ZFPM2: variants seen among roughly 807,000 people sequenced by gnomAD.
ZFPM2 encodes the protein zinc finger protein ZFPM2.
ZFPM2 carries 20 observed loss-of-function variants against 98.6 expected under a neutral mutation model. That is an observed-to-expected ratio of 0.20 (90% CI 0.14 to 0.29). The LOEUF (loss-of-function observed/expected upper bound fraction) is 0.29, where lower values mean the gene tolerates loss of function less well. Ranked by LOEUF, ZFPM2 falls within the 10% of genes least tolerant of loss-of-function variation. The pLI, the probability that ZFPM2 is intolerant of heterozygous loss-of-function variation, is 1.00. For missense variants in ZFPM2, 1,310 were observed against 1,388.6 expected, an observed-to-expected ratio of 0.94 and a Z score of 0.90; for synonymous variants, 518 against 502.7, an observed-to-expected ratio of 1.03 and a Z score of -0.41.
chr8:105,479,329 C>A (rs1454375646), intron 3 of ZFPM2, among the ~76,000 whole-genome samples: 2 of 152,098 alleles, frequency 1.3e-5, no homozygotes, highest in Non-Finnish European at 2.9e-5. Flanking sequence ...TCTATAAAAC[C>A]TGTCATTTTA....
At chr8:105,464,113 G>A (rs1028097175) in intron 3 of ZFPM2, among the ~76,000 whole-genome samples, 1 of 151,874 alleles carries the variant, frequency 6.6e-6, no homozygotes, top group African/African-American at 2.4e-5. Flanking sequence ...AGACATTCTT[G>A]CAGAATTGTT....
At chr8:105,596,841 A>G (rs564206916) in intron 4 of ZFPM2, among the ~76,000 whole-genome samples, 1 of 150,162 alleles carries the variant, frequency 6.7e-6, no homozygotes, top group East Asian at 2.0e-4. Flanking sequence ...TAAAACTTCA[A>G]TTAAGCAAGG....
chr8:105,802,522 T>G lies in ZFPM2; in HGVS notation c.2440T>G (p.Cys814Gly). The change falls in exon 8 of 8, where the codon TGT becomes GGT. Residue 814 changes from cysteine (C) to glycine (G), a missense_variant. Cys to Gly is a radical substitution (Grantham distance 159). Transcript: ENST00000407775. ...TINKCVPVSK[C>G]DTTHSSVSCL... ...CAACAAGTGTGTTCCAGTTTCCAAA[T>G]GTGATACTACTCATTCCAGTGTTTC... is the stretch of plus-strand genomic sequence containing the variant. 1 of 1,612,102 alleles carries G rather than the reference T, an allele frequency of 6.2e-7. No homozygotes were observed. Among genetic ancestry groups the G allele is most frequent in the South Asian group, 1.1e-5 (1 of 90,720 alleles).
intron 4 of ZFPM2, among the ~76,000 whole-genome samples, chr8:105,615,266 T>A (rs1308693353): frequency 2.0e-5 from 3 of 152,162 alleles, no homozygotes; most frequent in Admixed American, 6.6e-5. Flanking sequence ...CTCTCAAGTT[T>A]ATTGCCTTAT....
rs191060031 is a variant in ZFPM2, at chr8:105,459,602, T to C, written c.301+15221T>C. Among the ~76,000 whole-genome samples, 477 of 152,184 alleles carry C rather than the reference T, an allele frequency of 3.1e-3. 4 individuals are homozygous for C. The highest frequency in any genetic ancestry group is 5.6e-3 in the Non-Finnish European group (383 of 67,996). On this transcript the variant is annotated intron_variant, in intron 3 of 7. Coordinates refer to ENST00000407775, the MANE Select transcript of ZFPM2 (RefSeq NM_012082.4). ...TCCAAAATCAAGGTATCAGCAGGCGTGGTTTCTAGTGAGGCCTCTCTTCCT... is the reference window on the plus strand; with the variant it reads ...TCCAAAATCAAGGTATCAGCAGGCGCGGTTTCTAGTGAGGCCTCTCTTCCT...
At chr8:105,629,520 T>A (rs1348678112) in intron 4 of ZFPM2, among the ~76,000 whole-genome samples, 1 of 152,208 alleles carries the variant, frequency 6.6e-6, no homozygotes, top group Non-Finnish European at 1.5e-5. Context: ...TACCATAGAC[T>A]TGAGGGCTTA....
At chr8:105,641,714 A>G (rs1200659476) in intron 5 of ZFPM2, among the ~76,000 whole-genome samples, 26 of 152,018 alleles carry the variant, frequency 1.7e-4, no homozygotes, top group Non-Finnish European at 2.1e-4. Flanking sequence ...TGAATAGTTT[A>G]TTGTCTTTAG....
At chr8:105,626,491 A>G (rs1816657680) in intron 4 of ZFPM2, among the ~76,000 whole-genome samples, 1 of 152,202 alleles carries the variant, frequency 6.6e-6, no homozygotes, top group South Asian at 2.1e-4. Context: ...GTGTGGTTGT[A>G]CAAGGTCAAA....
intron 3 of ZFPM2, among the ~76,000 whole-genome samples, chr8:105,556,648 A>G (rs1233142481): frequency 6.6e-6 from 1 of 151,508 alleles, no homozygotes; most frequent in Non-Finnish European, 1.5e-5. Context: ...CATCTCATCC[A>G]AAGGAATCTT....
At chr8:105,407,639 G>A (rs1432792343) in intron 1 of ZFPM2, among the ~76,000 whole-genome samples, 1 of 151,942 alleles carries the variant, frequency 6.6e-6, no homozygotes, top group African/African-American at 2.4e-5. Flanking sequence ...GGAAAGGGAT[G>A]TGCATTTTTT....
At chr8:105,584,345 C>T (rs1408708001) in intron 4 of ZFPM2, among the ~76,000 whole-genome samples, 2 of 151,680 alleles carry the variant, frequency 1.3e-5, no homozygotes, top group African/African-American at 2.4e-5. Flanking sequence ...AAAGTATATC[C>T]TATGTATTCT....
chr8:105,802,945 AAAG>A lies in ZFPM2; in HGVS notation c.2869_2871del (p.Glu957del), dbSNP rs1563575119. ...TGAAGCTGCTCAGCTCATTGCTACA[AAAG>A]AAGAAAACAGACATTTGTTTCTTCC... On this transcript the variant is annotated inframe_deletion, in exon 8 of 8. Coordinates refer to ENST00000407775, the MANE Select transcript of ZFPM2 (RefSeq NM_012082.4). The A allele has an allele frequency of 1.9e-6, 3 of 1,612,960 alleles. No homozygotes were observed. Among genetic ancestry groups the A allele is most frequent in the African/African-American group, 2.7e-5 (2 of 74,842 alleles).
At chr8:105,352,587 G>A (rs1439364372) in intron 1 of ZFPM2, among the ~76,000 whole-genome samples, 1 of 141,200 alleles carries the variant, frequency 7.1e-6, no homozygotes, top group African/African-American at 2.6e-5. Context: ...CCATTTTACC[G>A]TTTTTTTTTT....
Position 105,516,645 on chromosome 8 carries a change from A to G in ZFPM2, c.302-44718A>G, listed in dbSNP as rs114299894. Among the ~76,000 whole-genome samples the G allele has an allele frequency of 3.5e-3, 528 of 152,314 alleles. 4 individuals are homozygous for G. Among genetic ancestry groups the G allele is most frequent in the African/African-American group, 0.012 (495 of 41,568 alleles). ...GTATTCGGATGTTTATAATGATGAA[A>G]TGAATAATTTATAGTACATGGAATA... On this transcript the variant is annotated intron_variant, in intron 3 of 7. Coordinates refer to ENST00000407775, the MANE Select transcript of ZFPM2 (RefSeq NM_012082.4).
At chr8:105,334,160 G>GTGTGTGTGTGT (rs59878841) in intron 1 of ZFPM2, among the ~76,000 whole-genome samples, 4 of 140,156 alleles carry the variant, frequency 2.9e-5, no homozygotes, top group African/African-American at 8.4e-5. Context: ...GTGTGTGTGT[G>GTGTGTGTGTGT]GTGGGGGGAG....
Position 105,486,040 on chromosome 8 carries a change from GA to G in ZFPM2, c.301+41660del, listed in dbSNP as rs1172805633. On this transcript the variant is annotated intron_variant, in intron 3 of 7. Transcript: ENST00000407775. ...ATGACTCACATGAAAAGCTGGCCAG[GA>G]GATGAGAAAATGGAGGCCTCTTTTT... Among the ~76,000 whole-genome samples, 7 of 152,130 alleles carry G rather than the reference GA, an allele frequency of 4.6e-5. No individual in the cohort carries two copies. In the East Asian group the frequency reaches 1.4e-3, roughly 30 times the overall value.
intron 4 of ZFPM2, among the ~76,000 whole-genome samples, chr8:105,568,770 G>A (rs1347189436): frequency 3.3e-5 from 5 of 152,062 alleles, no homozygotes; most frequent in Admixed American, 6.6e-5. Flanking sequence ...TAAAGGGCAC[G>A]AGAATACCCC....
In ZFPM2 at chr8:105,767,084, A is replaced by G. The variant is rs141890210; in HGVS notation, c.533-21634A>G. ...AATTTGAATGCCAGTCAAAGATACA[A>G]TCTCATGATCACAATAAATATTGTG... On this transcript the variant is annotated intron_variant, in intron 5 of 7. Coordinates refer to ENST00000407775, the MANE Select transcript of ZFPM2 (RefSeq NM_012082.4). Among the ~76,000 whole-genome samples the G allele has an allele frequency of 7.4e-4, 112 of 151,978 alleles. 1 individual carries two copies. In the East Asian group the frequency reaches 0.02, roughly 27 times the overall value.
Position 105,656,144 on chromosome 8 carries a change from TAGAC to T in ZFPM2, c.532+21795_532+21798del, listed in dbSNP as rs375545319. Among the ~76,000 whole-genome samples, 358 of 149,570 alleles carry T rather than the reference TAGAC, an allele frequency of 2.4e-3. 1 individual carries two copies. Among genetic ancestry groups the T allele is most frequent in the African/African-American group, 8.2e-3 (339 of 41,410 alleles). ...CCGATTCAAAAGTCAAATTTTTTCA[TAGAC>T]AGACAGAAACACACACACACACATA... On this transcript the variant is annotated intron_variant, in intron 5 of 7. Transcript: ENST00000407775.
Sources: allele counts gnomAD v4.1 joint callset (sites outside exome capture counted in the v4.1 genomes callset), GRCh38; gene constraint gnomAD v4.1.1; transcripts MANE v1.5; gene names NCBI Gene and HGNC (gene_info 2026-07-23, HGNC 2026-07-21).